The following ITIH6 variants were observed in gnomAD, a reference collection of about 807,000 sequenced individuals.
ITIH6 encodes the protein inter-alpha-trypsin inhibitor heavy chain H6.
In ITIH6, 60 loss-of-function variants were observed where a neutral mutation model predicts 58.2. The ratio of observed to expected loss-of-function variants is 1.03; its 90% CI spans 0.84 to 1.28. The LOEUF is 1.28. ITIH6 is among the 50% of genes most tolerant of loss of function. The probability of loss-of-function intolerance (pLI) is 0.00; values close to 1 mark genes in which losing one functional copy is unlikely to be tolerated. For missense variants in ITIH6, 1,290 were observed against 1,021.1 expected (o/e 1.26, Z -3.59); for synonymous variants, 493 against 417.4 (o/e 1.18, Z -2.21).
At chrX:54,767,913 G>C (rs1471077170) in intron 6 of ITIH6, among the ~76,000 whole-genome samples, 6 of 79,497 alleles carry the variant, frequency 7.5e-5, no homozygotes, top group Admixed American at 1.4e-4. Context: ...AGGTCCGCTT[G>C]GTGCAGAGCT....
At chrX:54,763,085 T>A (rs973861420) in intron 6 of ITIH6, among the ~76,000 whole-genome samples, 2 of 112,060 alleles carry the variant, frequency 1.8e-5, no homozygotes, top group African/African-American at 6.5e-5. Context: ...AGGTTTTAAA[T>A]CCAGTGACCC....
At position 54,791,455 on chromosome X, in the gene ITIH6, T is replaced by C. The variant is rs772050446; in HGVS notation, c.369-371A>G. Among the ~76,000 whole-genome samples, 149 of 110,741 alleles carry C rather than the reference T, an allele frequency of 1.3e-3. 2 individuals carry two copies. The highest frequency in any genetic ancestry group is 4.3e-3 in the African/African-American group (132 of 30,417). On this transcript the variant is annotated intron_variant, in intron 3 of 12. Coordinates refer to ENST00000218436, the MANE Select transcript of ITIH6 (RefSeq NM_198510.3). ...CTCAGCCCCTTCAAATAGACCCTCC[T>C]ACTATCCTCTCCCCTATGCTTTTGA... is the stretch of plus-strand genomic sequence containing the variant.
rs755689738 is a variant in ITIH6 at position 54,750,153 on chromosome X, C to A, written c.3731-47G>T. ...CTAGTCAGGGAGGTGGCCTGAGTCC[C>A]TGCTCAGAGATCTGCAAGGAGGCCC... On this transcript the variant is annotated intron_variant, in intron 12 of 12. Coordinates refer to ENST00000218436, the MANE Select transcript of ITIH6 (RefSeq NM_198510.3). 1.2e-5 allele frequency: 12 copies of A among 1,024,033 alleles called. No individual in the cohort carries two copies. In the South Asian group the frequency reaches 2.6e-4, roughly 22 times the overall value. The allele number at this position is 1,024,033 out of a possible 1,213,427, so 84.4% of individuals were successfully genotyped here.
chrX:54,778,544 A>G (rs186122185), intron 5 of ITIH6, among the ~76,000 whole-genome samples: 60 of 112,108 alleles, frequency 5.4e-4, no homozygotes, highest in African/African-American at 1.7e-3. Context: ...AAAAACAATT[A>G]GTGAATTACA....
Position 54,757,759 on chromosome X carries a change from T to C in ITIH6, c.2315A>G (p.Lys772Arg), listed in dbSNP as rs755001869. 2 of 1,209,476 alleles carry C rather than the reference T, an allele frequency of 1.7e-6. No homozygotes were observed. The highest frequency in any genetic ancestry group is 5.9e-5 in the East Asian group (2 of 33,741). ...AGTAACACATTTCACAGTGTCAGCTTTGGGCGAGGCTGGGATGCCAGGTTT... is the reference window on the plus strand; with the variant it reads ...AGTAACACATTTCACAGTGTCAGCTCTGGGCGAGGCTGGGATGCCAGGTTT... ...PVKPGIPASP[K>R]ADTVKCVTPL... Residue 772 changes from lysine (K) to arginine (R), a missense_variant, in exon 8 of 13, where the codon AAA (lysine) becomes AGA (arginine). Transcript: ENST00000218436.
chrX:54,765,357 A>T (rs1928750662), intron 6 of ITIH6, among the ~76,000 whole-genome samples: 1 of 72,373 alleles, frequency 1.4e-5, no homozygotes, highest in Non-Finnish European at 2.5e-5. Flanking sequence ...CTGAATGGTA[A>T]TGCCTAGGTT....
chrX:54,758,108 C>A lies in ITIH6; in HGVS notation c.1966G>T (p.Val656Phe), dbSNP rs372101569. The change falls in exon 8 of 13, where the codon GTC (valine) becomes TTC (phenylalanine). Residue 656 changes from valine to phenylalanine, a missense_variant. By Grantham distance (50) the Val-to-Phe change is conservative (BLOSUM62 -1). Transcript: ENST00000218436. ...ACAGGCCTTGATTTGGGGGAGATGA[C>A]CTTGGGCACCAAGGCTGGCTGAGCT... ...STAQPALVPKVISPKSRPVKP... is the reference protein window; with the variant it reads ...STAQPALVPKFISPKSRPVKP... 17 of 1,209,770 alleles carry A rather than the reference C, an allele frequency of 1.4e-5. No homozygotes were observed. In the South Asian group the frequency reaches 1.4e-4, roughly 10 times the overall value.
rs28865609 is a variant in ITIH6 at position 54,767,040 on chromosome X, A to G, written c.903+7041T>C. 3.0e-3 allele frequency among the ~76,000 whole-genome samples: 332 copies of G among 110,071 alleles called. 6 individuals are homozygous for G. The highest frequency in any genetic ancestry group is 0.029 in the Admixed American group (293 of 10,274). ...GTCCTGGACTCTTTTTGGTTGGTAA[A>G]CTATTGGTTATTGCCACAATTTCAG... On this transcript the variant is annotated intron_variant, in intron 6 of 12. Transcript: ENST00000218436.
At chrX:54,775,002 T>G (rs149313726) in intron 5 of ITIH6, among the ~76,000 whole-genome samples, 5,787 of 111,491 alleles carry the variant, frequency 0.052, 415 homozygotes, top group African/African-American at 0.18. Context: ...TGCCCTTCAG[T>G]CACTCTCTGA....
chrX:54,770,685 A>T (rs1178885856), intron 6 of ITIH6, among the ~76,000 whole-genome samples: 1 of 112,397 alleles, frequency 8.9e-6, no homozygotes, highest in African/African-American at 3.2e-5. Flanking sequence ...AATTTCACTT[A>T]TTCCTAAGCT....
Position 54,749,814 on chromosome X carries a change from GT to G in ITIH6, c.*80del, listed in dbSNP as rs1428088461. The G allele has an allele frequency of 1.2e-6, 1 of 809,097 alleles. No individual in the cohort carries two copies. The highest frequency in any genetic ancestry group is 2.1e-5 in the African/African-American group (1 of 48,271). The allele number at this position is 809,097 out of a possible 1,213,427, so 66.7% of individuals were successfully genotyped here. On this transcript the variant is annotated 3_prime_UTR_variant, in exon 13 of 13. Transcript: ENST00000218436. Reference sequence around the variant, plus strand: ...CCTGTGTGTGCTTCCATGTCCTTGGGTCTCTGTCCCTGGCTCACCCCATGCC... The same window carrying G: ...CCTGTGTGTGCTTCCATGTCCTTGGGCTCTGTCCCTGGCTCACCCCATGCC...
At chrX:54,778,012 G>T (rs1929082577) in intron 5 of ITIH6, among the ~76,000 whole-genome samples, 2 of 111,652 alleles carry the variant, frequency 1.8e-5, no homozygotes, top group Admixed American at 1.9e-4. Context: ...TGACCTTTCA[G>T]ACACAGAATT....
chrX:54,776,203 A>G (rs749162518), intron 5 of ITIH6, among the ~76,000 whole-genome samples: 12 of 109,393 alleles, frequency 1.1e-4, no homozygotes, highest in Non-Finnish European at 2.3e-4. Context: ...ACTGAACCAA[A>G]CTCGGCTGAT....
chrX:54,757,354 G>C lies in ITIH6; in HGVS notation c.2720C>G (p.Thr907Arg), dbSNP rs770991076. 2.5e-6 allele frequency: 3 copies of C among 1,207,202 alleles called. No homozygotes were observed. Among genetic ancestry groups the C allele is most frequent in the Non-Finnish European group, 3.4e-6 (3 of 893,062 alleles). Reference sequence around the variant, plus strand: ...GCTGGGACCTGTGGAACTTGAGATTGTATTTGGGAATGTGCTTAGGCTCTC... The same window carrying C: ...GCTGGGACCTGTGGAACTTGAGATTCTATTTGGGAATGTGCTTAGGCTCTC... Reference protein sequence around the residue: ...LPESLSTFPNTISSSTGPSST... With the variant: ...LPESLSTFPNRISSSTGPSST... Residue 907 changes from threonine (T) to arginine (R), a missense_variant, in exon 8 of 13, where the codon ACA (threonine) becomes AGA (arginine). Thr to Arg is a moderately conservative substitution (Grantham distance 71, BLOSUM62 -1). Transcript: ENST00000218436.
chrX:54,757,568 T>G lies in ITIH6; in HGVS notation c.2506A>C (p.Asn836His), dbSNP rs1339358743. Residue 836 changes from asparagine to histidine, a missense_variant, in exon 8 of 13, where the codon AAC (asparagine) becomes CAC (histidine). Coordinates refer to ENST00000218436, the MANE Select transcript of ITIH6 (RefSeq NM_198510.3). ...PRVPAPKTRN[N>H]MPHLGPGILL... ...ATTCCAGGCCCCAGGTGTGGCATGT[T>G]GTTTCGGGTCTTGGGAGCAGGAACC... 1 of 1,207,843 alleles carries G rather than the reference T, an allele frequency of 8.3e-7. No individual in the cohort carries two copies.
At chrX:54,759,639 G>C in intron 7 of ITIH6, 117 bp downstream of exon 7, 1 of 564,324 alleles carries the variant, frequency 1.8e-6, no homozygotes, top group South Asian at 3.2e-5. Flanking sequence ...GTGAAATGTG[G>C]TCTTGATATT....
At chrX:54,771,252 C>T (rs1461010652) in intron 6 of ITIH6, among the ~76,000 whole-genome samples, 2 of 112,107 alleles carry the variant, frequency 1.8e-5, no homozygotes, top group Non-Finnish European at 3.8e-5. Context: ...AAATTTGTAT[C>T]TATTATTACT....
intron 11 of ITIH6, among the ~76,000 whole-genome samples, chrX:54,753,322 C>T (rs1413074639): frequency 2.7e-5 from 3 of 112,595 alleles, no homozygotes; most frequent in Non-Finnish European, 5.6e-5. Context: ...CATTGCTTAT[C>T]TTGTACTTGA....
intron 5 of ITIH6, among the ~76,000 whole-genome samples, chrX:54,784,703 C>T (rs934085928): frequency 5.4e-5 from 6 of 111,204 alleles, no homozygotes; most frequent in Admixed American, 1.9e-4. Context: ...GAAATGCCGG[C>T]GAGGATGTGG....
Sources: allele counts gnomAD v4.1 joint callset (sites outside exome capture counted in the v4.1 genomes callset), GRCh38; gene constraint gnomAD v4.1.1; transcripts MANE v1.5; gene names NCBI Gene and HGNC (gene_info 2026-07-23, HGNC 2026-07-21).